The following RGPD4 variants were observed in gnomAD, a reference collection of about 807,000 sequenced individuals.
RGPD4 encodes the protein RANBP2 like and GRIP domain containing 4, also known as ranBP2-like and GRIP domain-containing protein 4.
RGPD4 carries 84 observed loss-of-function variants against 141.1 expected under a neutral mutation model. The observed-to-expected ratio is 0.60, with a 90% CI of 0.50 to 0.71. The LOEUF (loss-of-function observed/expected upper bound fraction) is 0.71, where lower values mean the gene tolerates loss of function less well. Ranked by LOEUF, RGPD4 falls within the 30% of genes least tolerant of loss-of-function variation. The probability of loss-of-function intolerance (pLI) is 0.00; values close to 1 mark genes in which losing one functional copy is unlikely to be tolerated. For missense variants in RGPD4, 918 were observed against 1,622.4 expected (o/e 0.57, Z 7.46); for synonymous variants, 298 against 566.8 (o/e 0.53, Z 6.74).
chr2:107,880,041 A>C lies in RGPD4; in HGVS notation c.4998A>C (p.Ala1666=). Reference sequence around the variant, plus strand: ...AGCTCAGTTCCACCACAAAAAGTGCAGATCACTTAAACGGCCTGCTTCGGG... The same window carrying C: ...AGCTCAGTTCCACCACAAAAAGTGCCGATCACTTAAACGGCCTGCTTCGGG... ...VQKLSSTTKS[A]DHLNGLLREA... The change falls in exon 21 of 23, where the codon GCA becomes GCC. Residue 1666 remains alanine (A), a synonymous_variant. Coordinates refer to ENST00000408999, the MANE Select transcript of RGPD4 (RefSeq NM_182588.3). The C allele has an allele frequency of 6.2e-7, 1 of 1,611,504 alleles. No individual in the cohort carries two copies. Among genetic ancestry groups the C allele is most frequent in the South Asian group, 1.1e-5 (1 of 90,986 alleles).
At chr2:107,879,920 C>T (rs1348696800) in intron 20 of RGPD4, 48 bp from the exon 21 acceptor site, 4 of 1,605,838 alleles carry the variant, frequency 2.5e-6, no homozygotes, top group African/African-American at 1.4e-5. Flanking sequence ...GAATCTTCAT[C>T]TGTAATGTAT....
Position 107,879,977 on chromosome 2 carries a change from T to A in RGPD4, c.4934T>A (p.Leu1645Ter). ...TFKTPEKEPP[L>*]WHAEFTKEEL... Reference sequence around the variant, plus strand: ...GAACAACATGTTGCAGAGCCTCCATTATGGCATGCTGAATTTACCAAAGAA... The same window carrying A: ...GAACAACATGTTGCAGAGCCTCCATAATGGCATGCTGAATTTACCAAAGAA... The change falls in exon 21 of 23, where the codon TTA becomes TAA. Residue 1645 changes from leucine (L) to a stop codon, truncating the protein, a stop_gained. Coordinates refer to ENST00000408999, the MANE Select transcript of RGPD4 (RefSeq NM_182588.3). LOFTEE classifies it high-confidence loss of function. The A allele has an allele frequency of 5.0e-6, 8 of 1,611,182 alleles. No individual in the cohort carries two copies. Among genetic ancestry groups the A allele is most frequent in the Non-Finnish European group, 6.8e-6 (8 of 1,179,790 alleles).
At chr2:107,878,369 A>G (rs992307258) in intron 20 of RGPD4, among the ~76,000 whole-genome samples, 16 of 146,578 alleles carry the variant, frequency 1.1e-4, no homozygotes, top group African/African-American at 3.4e-4. Flanking sequence ...AGACATGCAC[A>G]CTGTAACCCG....
chr2:107,887,072 A>G (rs2104522631), intron 22 of RGPD4, among the ~76,000 whole-genome samples: 1 of 147,666 alleles, frequency 6.8e-6, no homozygotes, highest in South Asian at 2.2e-4. Context: ...GCGAGACCCT[A>G]TGTCTACAAA....
At chr2:107,888,723 G>C (rs530489917) in intron 22 of RGPD4, among the ~76,000 whole-genome samples, 1 of 92,552 alleles carries the variant, frequency 1.1e-5, no homozygotes, top group Non-Finnish European at 2.1e-5. Context: ...TTCTCTGCTT[G>C]CACACTTTGT....
chr2:107,827,186 C>G, intron 1 of RGPD4, 101 bp downstream of exon 1: 1 of 402,732 alleles, frequency 2.5e-6, no homozygotes, highest in Non-Finnish European at 3.4e-6. Context: ...GTCATGGCTC[C>G]CGACCGGCGC....
At chr2:107,881,465 G>A (rs1415029770) in intron 21 of RGPD4, among the ~76,000 whole-genome samples, 8 of 151,556 alleles carry the variant, frequency 5.3e-5, no homozygotes, top group African/African-American at 7.3e-5. Flanking sequence ...CTGCAGGCAC[G>A]CACCACCATG....
In RGPD4 at chr2:107,882,693, A is replaced by C; in HGVS notation, c.5086A>C (p.Arg1696=). The change falls in exon 22 of 23, where the codon AGA becomes CGA. Residue 1696 remains arginine (R), a synonymous_variant. Transcript: ENST00000408999. The part of the protein sequence containing the change: ...QIKLLKSEIR[R]LERNQEQEES... ...CCAGCTTCTCAAAAGTGAAATAAGA[A>C]GATTGGAAAGGAATCAAGAGCAAGA... The C allele has an allele frequency of 1.2e-6, 2 of 1,611,530 alleles. No homozygotes were observed. The highest frequency in any genetic ancestry group is 1.7e-6 in the Non-Finnish European group (2 of 1,179,850).
chr2:107,853,428 A>C (rs1325268184), intron 7 of RGPD4, among the ~76,000 whole-genome samples: 1 of 140,856 alleles, frequency 7.1e-6, no homozygotes. Context: ...TCGCCATTCT[A>C]TTCATCATGC....
At chr2:107,858,231 A>C (rs371814468) in intron 9 of RGPD4, among the ~76,000 whole-genome samples, 12,484 of 151,474 alleles carry the variant, frequency 0.082, 350 homozygotes, top group African/African-American at 0.13. Context: ...GTTAATAATC[A>C]TACTCTGATA....
At chr2:107,827,221 GCGGCGGCCTCGACC>G (rs1229809737) in intron 1 of RGPD4, 136 bp downstream of exon 1, 1 of 520,568 alleles carries the variant, frequency 1.9e-6, no homozygotes, top group East Asian at 4.9e-5. Flanking sequence ...CTCTGTTGAG[GCGGCGGCCTCGACC>G]CGGCCCGGCG....
At chr2:107,833,818 T>A (rs1681577603) in intron 1 of RGPD4, among the ~76,000 whole-genome samples, 1 of 152,250 alleles carries the variant, frequency 6.6e-6, no homozygotes, top group East Asian at 1.9e-4. Context: ...GAAGTCAGAT[T>A]ACAAGGTCGA....
chr2:107,887,443 G>A (rs1675546771), intron 22 of RGPD4, among the ~76,000 whole-genome samples: 1 of 152,072 alleles, frequency 6.6e-6, no homozygotes, highest in African/African-American at 2.4e-5. Context: ...TTGGCTGTGA[G>A]TTAATGATGA....
At chr2:107,847,734 A>G (rs1220535306) in intron 6 of RGPD4, among the ~76,000 whole-genome samples, 4 of 82,676 alleles carry the variant, frequency 4.8e-5, no homozygotes, top group Non-Finnish European at 7.4e-5. Context: ...CTGAGTCGGG[A>G]GAATCACTTG....
At chr2:107,880,772 C>T (rs1373326827) in intron 21 of RGPD4, among the ~76,000 whole-genome samples, 4 of 147,464 alleles carry the variant, frequency 2.7e-5, no homozygotes, top group Non-Finnish European at 5.9e-5. Flanking sequence ...AACTACTAAA[C>T]AGTTTTCAGG....
At position 107,871,000 on chromosome 2, in the gene RGPD4, C is replaced by G. The variant is rs1682887827; in HGVS notation, c.2996C>G (p.Ala999Gly). Reference protein sequence around the residue: ...KDPNFKGFSGAGEKLFSSQCG... With the variant: ...KDPNFKGFSGGGEKLFSSQCG... Reference sequence around the variant, plus strand: ...CCCAATTTCAAGGGATTTTCAGGTGCTGGAGAAAAATTATTCTCATCACAA... The same window carrying G: ...CCCAATTTCAAGGGATTTTCAGGTGGTGGAGAAAAATTATTCTCATCACAA... Residue 999 changes from alanine to glycine, a missense_variant, in exon 20 of 23, where the codon GCT becomes GGT. By Grantham distance (60) the Ala-to-Gly change is moderately conservative (BLOSUM62 0). Transcript: ENST00000408999. 6.2e-7 allele frequency: 1 copy of G among 1,610,824 alleles called. No homozygotes were observed. Among genetic ancestry groups the G allele is most frequent in the Non-Finnish European group, 8.5e-7 (1 of 1,179,760 alleles).
At chr2:107,878,011 C>T (rs1683138889) in intron 20 of RGPD4, among the ~76,000 whole-genome samples, 1 of 151,122 alleles carries the variant, frequency 6.6e-6, no homozygotes, top group Admixed American at 6.6e-5. Context: ...TAGGGTTTCA[C>T]CATCTTGGCC....
chr2:107,859,639 C>T, intron 11 of RGPD4, 83 bp from the exon 12 acceptor site: 1 of 1,611,286 alleles, frequency 6.2e-7, no homozygotes, highest in East Asian at 2.2e-5. Flanking sequence ...TTTAATTTGT[C>T]ATGTGACCCA....
intron 1 of RGPD4, among the ~76,000 whole-genome samples, chr2:107,827,291 C>G (rs1681239347): frequency 7.5e-6 from 1 of 133,392 alleles, no homozygotes; most frequent in African/African-American, 2.9e-5. Flanking sequence ...GGGCGCTGCT[C>G]CCTGGCGCGC....
Sources: allele counts gnomAD v4.1 joint callset (sites outside exome capture counted in the v4.1 genomes callset), GRCh38; gene constraint gnomAD v4.1.1; transcripts MANE v1.5; gene names NCBI Gene and HGNC (gene_info 2026-07-23, HGNC 2026-07-21).